Variants in SRGAP3 observed in about 807,000 individuals in gnomAD.
SRGAP3 encodes the protein SLIT-ROBO Rho GTPase-activating protein 3.
A neutral mutation model predicts 121.1 loss-of-function variants in SRGAP3; 39 were observed. The ratio of observed to expected loss-of-function variants is 0.32; its 90% CI spans 0.25 to 0.42. The LOEUF is 0.42. Ranked by LOEUF, SRGAP3 falls within the 10% of genes least tolerant of loss-of-function variation. The pLI is 1.00. For missense variants in SRGAP3, 1,213 were observed against 1,470.6 expected (o/e 0.82, Z 2.86); for synonymous variants, 601 against 570.0 (o/e 1.05, Z -0.77).
At chr3:9,045,643 C>T (rs147354442) in intron 10 of SRGAP3, among the ~76,000 whole-genome samples, 17 of 152,134 alleles carry the variant, frequency 1.1e-4, no homozygotes, top group Middle Eastern at 3.4e-3. Context: ...AGATAAGGGC[C>T]GCAGGAAGAC....
intron 3 of SRGAP3, among the ~76,000 whole-genome samples, chr3:9,287,401 C>G (rs1954794801): frequency 6.6e-6 from 1 of 152,166 alleles, no homozygotes; most frequent in African/African-American, 2.4e-5. Flanking sequence ...GACGAGTTCT[C>G]TCAGATTTTG....
chr3:9,276,036 CA>C (rs199544323), intron 3 of SRGAP3, among the ~76,000 whole-genome samples: 3 of 149,768 alleles, frequency 2.0e-5, no homozygotes, highest in South Asian at 2.1e-4. Context: ...CCTGTCTGTA[CA>C]AAAAAAAAGT....
intron 1 of SRGAP3, among the ~76,000 whole-genome samples, chr3:9,210,717 C>A (rs1952419430): frequency 6.6e-6 from 1 of 151,986 alleles, no homozygotes; most frequent in African/African-American, 2.4e-5. Context: ...ATAGTCCCAA[C>A]TACTTGGGAA....
At chr3:9,176,733 G>A (rs1951192270) in intron 1 of SRGAP3, among the ~76,000 whole-genome samples, 1 of 152,142 alleles carries the variant, frequency 6.6e-6, no homozygotes, top group Admixed American at 6.5e-5. Context: ...GGGGGGCGGG[G>A]AGGAACCACA....
intron 2 of SRGAP3, among the ~76,000 whole-genome samples, chr3:9,107,829 C>A (rs1948470812): frequency 6.6e-6 from 1 of 152,224 alleles, no homozygotes; most frequent in South Asian, 2.1e-4. Context: ...GAGCAGGGAT[C>A]ACTTCTATTG....
At chr3:9,114,954 G>A (rs1452432439) in intron 2 of SRGAP3, among the ~76,000 whole-genome samples, 2 of 152,200 alleles carry the variant, frequency 1.3e-5, no homozygotes, top group African/African-American at 4.8e-5. Flanking sequence ...TGTGAAGAAG[G>A]GGCTGTCTTT....
chr3:9,183,878 C>T (rs2125126293), intron 1 of SRGAP3, among the ~76,000 whole-genome samples: 1 of 151,944 alleles, frequency 6.6e-6, no homozygotes, highest in South Asian at 2.1e-4. Context: ...CACAGCTGTA[C>T]CCCGAGATGA....
At chr3:9,154,040 A>G (rs1463977839) in intron 1 of SRGAP3, among the ~76,000 whole-genome samples, 1 of 151,906 alleles carries the variant, frequency 6.6e-6, no homozygotes, top group Non-Finnish European at 1.5e-5. Flanking sequence ...GCCAGCTCTG[A>G]GCACTGAAGC....
In SRGAP3 at chr3:9,218,779, C is replaced by T. The variant is rs985925539; in HGVS notation, c.67+30106G>A. ...CCTCAACCTCCCGGATTCAAGTGATCCTCCCACCTCAGCCTCTCTAGTAGC... is the reference window on the plus strand; with the variant it reads ...CCTCAACCTCCCGGATTCAAGTGATTCTCCCACCTCAGCCTCTCTAGTAGC... On this transcript the variant is annotated intron_variant, in intron 1 of 21. Coordinates refer to ENST00000383836, the MANE Select transcript of SRGAP3 (RefSeq NM_014850.4). This position sits in a 1 kb window ranked among gnomAD's most constrained non-coding sequence, Gnocchi z 5.3. Among the ~76,000 whole-genome samples, 1 of 151,892 alleles carries T rather than the reference C, an allele frequency of 6.6e-6. No individual in the cohort carries two copies. Among genetic ancestry groups the T allele is most frequent in the African/African-American group, 2.4e-5 (1 of 41,384 alleles).
chr3:9,151,192 C>A (rs991776659), intron 1 of SRGAP3, among the ~76,000 whole-genome samples: 2 of 152,130 alleles, frequency 1.3e-5, no homozygotes, highest in Admixed American at 1.3e-4. Flanking sequence ...TGGGCCATAT[C>A]TGGCTGAGCA....
At chr3:9,132,532 G>T (rs1453800414) in intron 1 of SRGAP3, among the ~76,000 whole-genome samples, 1 of 152,096 alleles carries the variant, frequency 6.6e-6, no homozygotes, top group Non-Finnish European at 1.5e-5. Flanking sequence ...TTTTTAGAGT[G>T]GCTTCTTTCA....
At chr3:9,350,318 G>A (rs1477497725) in intron 1 of SRGAP3, among the ~76,000 whole-genome samples, 1 of 152,198 alleles carries the variant, frequency 6.6e-6, no homozygotes, top group Non-Finnish European at 1.5e-5. Context: ...TTTCAGTAGG[G>A]AAGGTCTTAT....
rs1941562940 is a variant in SRGAP3, at chr3:8,984,191, G to C, written c.*1328C>G. The C allele has an allele frequency of 1.3e-5, 3 of 230,834 alleles. No homozygotes were observed. The highest frequency in any genetic ancestry group is 2.6e-5 in the Non-Finnish European group (3 of 116,572). The allele number at this position is 230,834 out of a possible 1,614,324, so 14.3% of individuals were successfully genotyped here. On this transcript the variant is annotated 3_prime_UTR_variant, in exon 22 of 22. Coordinates refer to ENST00000383836, the MANE Select transcript of SRGAP3 (RefSeq NM_014850.4). ...AATGTTCTGGAGGGAGTGGGTGAAG[G>C]GGGAGGGAAGGGAAGCTATGTCACT...
At position 8,982,908 on chromosome 3, in the gene SRGAP3, C is replaced by G. The variant is rs1941495049; in HGVS notation, c.*2611G>C. On this transcript the variant is annotated 3_prime_UTR_variant, in exon 22 of 22. Coordinates refer to ENST00000383836, the MANE Select transcript of SRGAP3 (RefSeq NM_014850.4). ...TGCCCTCAGAAAATTCAGTGAAAGG[C>G]AGGTCCATTTTCAGTAAGAAAAAAA... The G allele has an allele frequency of 4.4e-6, 1 of 228,150 alleles. No individual in the cohort carries two copies. The highest frequency in any genetic ancestry group is 6.2e-5 in the East Asian group (1 of 16,070). The allele number at this position is 228,150 out of a possible 1,614,324, so 14.1% of individuals were successfully genotyped here.
rs1165776962 is a variant in SRGAP3 at position 9,104,787 on chromosome 3, T to C, written c.316A>G (p.Thr106Ala). ...VNCWYLVLHQ[T>A]RRESRDHATL... is the part of the protein sequence containing the mutation. ...GCATGGTCTCGGCTCTCCCGCCGGG[T>C]CTGATGCAGAACCAGATACCAACAG... The change falls in exon 3 of 22, where the codon ACC becomes GCC. Residue 106 changes from threonine (T) to alanine (A), a missense_variant. Physicochemically the swap from Thr to Ala is moderately conservative, Grantham distance 58. Coordinates refer to ENST00000383836, the MANE Select transcript of SRGAP3 (RefSeq NM_014850.4). 6.2e-7 allele frequency: 1 copy of C among 1,614,202 alleles called. No homozygotes were observed. Among genetic ancestry groups the C allele is most frequent in the Admixed American group, 1.7e-5 (1 of 60,028 alleles).
intron 1 of SRGAP3, among the ~76,000 whole-genome samples, chr3:9,356,621 C>T (rs1395869300): frequency 6.6e-6 from 1 of 152,056 alleles, no homozygotes; most frequent in African/African-American, 2.4e-5. Context: ...GATCCGCCCG[C>T]CTCAGCCTCC....
At chr3:9,083,159 C>T (rs1159587226) in intron 3 of SRGAP3, among the ~76,000 whole-genome samples, 1 of 152,206 alleles carries the variant, frequency 6.6e-6, no homozygotes, top group Admixed American at 6.5e-5. Flanking sequence ...CCTGATGTTT[C>T]CCCATCACTG....
At chr3:8,989,961 A>G (rs1002026413) in intron 21 of SRGAP3, among the ~76,000 whole-genome samples, 1 of 152,200 alleles carries the variant, frequency 6.6e-6, no homozygotes, top group East Asian at 1.9e-4. Context: ...ACTTTGGACC[A>G]TTCCTTAAAG....
intron 1 of SRGAP3, among the ~76,000 whole-genome samples, chr3:9,194,960 G>A (rs1951873326): frequency 6.6e-6 from 1 of 152,236 alleles, no homozygotes; most frequent in Non-Finnish European, 1.5e-5. Context: ...GCTGATGAGG[G>A]AGATTATACC....
Sources: gnomAD v4.1 joint callset for allele counts (sites outside exome capture counted in the v4.1 genomes callset) on GRCh38, gnomAD v4.1.1 for gene constraint, Gnocchi (gnomAD v3.1) non-coding constraint, MANE v1.5 for transcripts, NCBI Gene and HGNC (gene_info 2026-07-23, HGNC 2026-07-21) for gene names.